Variants in CD244 observed in about 807,000 individuals in gnomAD.
CD244 encodes CD244 molecule, also known as natural killer cell receptor 2B4.
A neutral mutation model predicts 45.5 loss-of-function variants in CD244; 20 were observed. That is an observed-to-expected ratio of 0.44 (90% CI 0.31 to 0.64). The LOEUF is 0.64. Among genes scored for constraint, CD244 ranks in the 30% least tolerant of loss-of-function variants. CD244 has a pLI of 0.08. For missense variants in CD244, 407 were observed against 426.9 expected (o/e 0.95, Z 0.41); for synonymous variants, 185 against 160.5 (o/e 1.15, Z -1.15).
At chr1:160,840,173 T>C (rs1010541313) in intron 3 of CD244, among the ~76,000 whole-genome samples, 2 of 151,864 alleles carry the variant, frequency 1.3e-5, no homozygotes, top group African/African-American at 4.8e-5. Flanking sequence ...TACACCATAT[T>C]GTCCAGGCTG....
Position 160,843,268 on chromosome 1 carries a change from A to T in CD244, c.62-1367T>A, listed in dbSNP as rs577159785. On this transcript the variant is annotated intron_variant, in intron 1 of 8. Coordinates refer to ENST00000368034, the MANE Select transcript of CD244 (RefSeq NM_016382.4). ...TATATGACTTGTACTGGCTCTGCCC[A>T]TTAGCAAACCAAAAGCTTCTCAAAA... is the stretch of plus-strand genomic sequence containing the variant. 7.9e-5 allele frequency among the ~76,000 whole-genome samples: 12 copies of T among 152,336 alleles called. No homozygotes were observed. In the South Asian group the frequency reaches 2.5e-3, roughly 32 times the overall value.
intron 1 of CD244, among the ~76,000 whole-genome samples, chr1:160,861,794 G>A (rs893599887): frequency 2.0e-5 from 3 of 152,022 alleles, no homozygotes; most frequent in African/African-American, 4.8e-5. Flanking sequence ...CCAAGATCAC[G>A]CCACTGCACT....
chr1:160,859,883 C>T (rs986933764), intron 1 of CD244, among the ~76,000 whole-genome samples: 1 of 152,018 alleles, frequency 6.6e-6, no homozygotes, highest in African/African-American at 2.4e-5. Flanking sequence ...GCACTCCAGT[C>T]TGGGTGAAAG....
At chr1:160,857,801 A>C (rs72710762) in intron 1 of CD244, among the ~76,000 whole-genome samples, 37,550 of 152,136 alleles carry the variant, frequency 0.25, 4,996 homozygotes, top group East Asian at 0.4. Context: ...AATCCCAGTA[A>C]TTTGGGAGGC....
intron 1 of CD244, among the ~76,000 whole-genome samples, chr1:160,857,503 T>A (rs186917111): frequency 1.3e-5 from 2 of 152,202 alleles, no homozygotes; most frequent in African/African-American, 4.8e-5. Context: ...TCTCATAAGA[T>A]GTTGAGCAAA....
chr1:160,857,820 G>A (rs1670163770), intron 1 of CD244, among the ~76,000 whole-genome samples: 1 of 152,196 alleles, frequency 6.6e-6, no homozygotes, highest in Non-Finnish European at 1.5e-5. Context: ...GCCAAGGCAA[G>A]AGGATTGCTT....
At chr1:160,831,469 G>A (rs780881600) in intron 8 of CD244, 42 bp from the exon 9 acceptor site, 12 of 1,364,658 alleles carry the variant, frequency 8.8e-6, no homozygotes, top group South Asian at 4.7e-5. Flanking sequence ...TGCACTGGGA[G>A]GTCCTTATCA....
chr1:160,832,771 C>A, intron 7 of CD244, 196 bp from the exon 8 acceptor site: 1 of 1,133,860 alleles, frequency 8.8e-7, no homozygotes, highest in Non-Finnish European at 1.2e-6. Context: ...ACAATATATA[C>A]AGTATTTGCC....
At chr1:160,847,755 A>G (rs1312269388) in intron 1 of CD244, among the ~76,000 whole-genome samples, 1 of 152,208 alleles carries the variant, frequency 6.6e-6, no homozygotes. Flanking sequence ...TTGCAAGTCA[A>G]TAATGCAAGA....
chr1:160,832,465 A>G (rs1309169196), intron 8 of CD244, 54 bp downstream of exon 8: 1 of 1,103,258 alleles, frequency 9.1e-7, no homozygotes, highest in Non-Finnish European at 1.3e-6. Flanking sequence ...TCATGGCTAG[A>G]TTTCAGGGCT....
In CD244 at chr1:160,844,799, A is replaced by C. The variant is rs541499629; in HGVS notation, c.62-2898T>G. Among the ~76,000 whole-genome samples the C allele has an allele frequency of 2.2e-3, 327 of 152,068 alleles. 1 individual carries two copies. The highest frequency in any genetic ancestry group is 7.4e-3 in the African/African-American group (305 of 41,456). ...AGACCACCCTGGCCAACATGGTAAAACCTCGTCTCTACTAACGATACAAAA... is the reference window on the plus strand; with the variant it reads ...AGACCACCCTGGCCAACATGGTAAACCCTCGTCTCTACTAACGATACAAAA... On this transcript the variant is annotated intron_variant, in intron 1 of 8. Coordinates refer to ENST00000368034, the MANE Select transcript of CD244 (RefSeq NM_016382.4).
At chr1:160,855,542 G>A (rs532215114) in intron 1 of CD244, among the ~76,000 whole-genome samples, 1 of 152,278 alleles carries the variant, frequency 6.6e-6, no homozygotes, top group African/African-American at 2.4e-5. Flanking sequence ...CTGTCCCAGA[G>A]GGGTACACAC....
At chr1:160,861,696 G>C (rs1247331950) in intron 1 of CD244, among the ~76,000 whole-genome samples, 4 of 152,060 alleles carry the variant, frequency 2.6e-5, no homozygotes, top group Non-Finnish European at 5.9e-5. Context: ...AATTAGCCAA[G>C]CATGGTGGCG....
In CD244 at chr1:160,841,386, A is replaced by T; in HGVS notation, c.479T>A (p.Val160Glu). 1 of 1,614,218 alleles carries T rather than the reference A, an allele frequency of 6.2e-7. No homozygotes were observed. Among genetic ancestry groups the T allele is most frequent in the Non-Finnish European group, 8.5e-7 (1 of 1,180,036 alleles). Residue 160 changes from valine to glutamate, a missense_variant, in exon 3 of 9, where the codon GTG becomes GAG. Physicochemically the swap from Val to Glu is moderately radical, Grantham distance 121. Coordinates refer to ENST00000368034, the MANE Select transcript of CD244 (RefSeq NM_016382.4). ...LSCLVSRDGN[V>E]SYAWYRGSKL... The stretch of plus-strand genomic sequence containing the variant: ...GCTCCCTCTGTACCAAGCATAGGAC[A>T]CATTGCCATCCCTGGAGACCAAGCA...
Position 160,830,223 on chromosome 1 carries a change from T to G in CD244, c.*1124A>C, listed in dbSNP as rs908472231. 1 of 152,356 alleles carries G rather than the reference T, an allele frequency of 6.6e-6. No individual in the cohort carries two copies. The highest frequency in any genetic ancestry group is 2.4e-5 in the African/African-American group (1 of 41,440). 9.4% of individuals were successfully genotyped at this position (152,356 alleles called of 1,614,324 possible). A position where few individuals can be genotyped will look rare whatever the true frequency, so the allele number is the denominator to read the frequency against. On this transcript the variant is annotated 3_prime_UTR_variant, in exon 9 of 9. Transcript: ENST00000368034. ...AGACTGCATCTGCATGATATCACCG[T>G]TTTATATGAAACTCCTATGTTAGAT...
At chr1:160,839,206 C>T in intron 3 of CD244, 157 bp from the exon 4 acceptor site, 1 of 597,094 alleles carries the variant, frequency 1.7e-6, no homozygotes, top group Non-Finnish European at 3.0e-6. Context: ...TTTCTCTTTG[C>T]TCATTTGGTT....
chr1:160,842,535 G>C (rs1372000632), intron 1 of CD244, among the ~76,000 whole-genome samples: 1 of 152,122 alleles, frequency 6.6e-6, no homozygotes, highest in Non-Finnish European at 1.5e-5. Context: ...ATGGCAAGTA[G>C]TGACTGTTGG....
At chr1:160,845,237 A>G (rs775002663) in intron 1 of CD244, among the ~76,000 whole-genome samples, 4 of 152,214 alleles carry the variant, frequency 2.6e-5, no homozygotes, top group Admixed American at 6.5e-5. Flanking sequence ...AATAAAATGT[A>G]AAATAACTGT....
chr1:160,834,036 C>T lies in CD244; in HGVS notation c.960+15G>A. 13 of 1,594,824 alleles carry T rather than the reference C, an allele frequency of 8.2e-6. No homozygotes were observed. The highest frequency in any genetic ancestry group is 4.5e-5 in the East Asian group (2 of 44,762). On this transcript the variant is annotated intron_variant, in intron 7 of 8. Transcript: ENST00000368034. ...CATCAACAACACCCCACCACCACCA[C>T]GGGAAGAGGCTCACCTTCCTGGAAG... is the stretch of plus-strand genomic sequence containing the variant.
Sources: gnomAD v4.1 joint callset for allele counts (sites outside exome capture counted in the v4.1 genomes callset) on GRCh38, gnomAD v4.1.1 for gene constraint, MANE v1.5 for transcripts, NCBI Gene and HGNC (gene_info 2026-07-23, HGNC 2026-07-21) for gene names.